PTPRD: variants seen among roughly 807,000 people sequenced by gnomAD.
PTPRD encodes the protein protein tyrosine phosphatase receptor type D, also known as receptor-type tyrosine-protein phosphatase delta.
PTPRD carries 34 observed loss-of-function variants against 214.5 expected under a neutral mutation model. The observed-to-expected ratio is 0.16, with a 90% CI of 0.12 to 0.21. The LOEUF is 0.21. Among genes scored for constraint, PTPRD ranks in the 10% least tolerant of loss-of-function variants. The pLI is 1.00. For synonymous variants in PTPRD, 1,128 were observed against 845.7 expected (o/e 1.33, Z -5.79); for missense variants, 2,545 against 2,398.7 (o/e 1.06, Z -1.27).
At chr9:8,840,122 C>G (rs1242116988) in intron 11 of PTPRD, among the ~76,000 whole-genome samples, 1 of 152,108 alleles carries the variant, frequency 6.6e-6, no homozygotes, top group Non-Finnish European at 1.5e-5. Flanking sequence ...ACGGTAACAT[C>G]AGTATCCCTT....
At chr9:8,762,874 G>C (rs1229615031) in intron 11 of PTPRD, among the ~76,000 whole-genome samples, 1 of 152,160 alleles carries the variant, frequency 6.6e-6, no homozygotes, top group African/African-American at 2.4e-5. Flanking sequence ...AAAAAGCACA[G>C]AATGCCTTGG....
At chr9:9,445,598 G>T (rs1475017020) in intron 8 of PTPRD, among the ~76,000 whole-genome samples, 1 of 152,112 alleles carries the variant, frequency 6.6e-6, no homozygotes, top group Admixed American at 6.6e-5. Context: ...CAGCAGGAAG[G>T]AGAAGTGCCA....
intron 11 of PTPRD, among the ~76,000 whole-genome samples, chr9:8,800,266 T>C (rs1421160270): frequency 6.6e-6 from 1 of 152,130 alleles, no homozygotes; most frequent in Non-Finnish European, 1.5e-5. Context: ...CGTGATTCTA[T>C]TTGACATCAT....
At chr9:8,874,202 T>C (rs989280312) in intron 11 of PTPRD, among the ~76,000 whole-genome samples, 1 of 152,212 alleles carries the variant, frequency 6.6e-6, no homozygotes, top group Non-Finnish European at 1.5e-5. Context: ...TGATGGCCCA[T>C]GGTTCAGTGA....
At chr9:9,367,786 G>C (rs552951433) in intron 9 of PTPRD, among the ~76,000 whole-genome samples, 1 of 151,704 alleles carries the variant, frequency 6.6e-6, no homozygotes, top group South Asian at 2.1e-4. Context: ...AAAGCAATCT[G>C]AGAAGCACCA....
intron 7 of PTPRD, among the ~76,000 whole-genome samples, chr9:9,638,409 C>T (rs2095839618): frequency 6.6e-6 from 1 of 152,212 alleles, no homozygotes; most frequent in Non-Finnish European, 1.5e-5. Context: ...TTCTTTGCCA[C>T]TTTATAACTA....
chr9:10,163,419 A>T (rs1209942436), intron 3 of PTPRD, among the ~76,000 whole-genome samples: 1 of 151,454 alleles, frequency 6.6e-6, no homozygotes, highest in Non-Finnish European at 1.5e-5. Context: ...TTTGCATTAG[A>T]ACTTATTCTT....
chr9:8,374,254 C>A (rs1399324732), intron 39 of PTPRD, among the ~76,000 whole-genome samples: 1 of 151,226 alleles, frequency 6.6e-6, no homozygotes, highest in African/African-American at 2.4e-5. Context: ...GAAAACAATT[C>A]ATGTGTTTCA....
chr9:8,946,540 T>A (rs759366348), intron 11 of PTPRD, among the ~76,000 whole-genome samples: 53 of 152,202 alleles, frequency 3.5e-4, no homozygotes, highest in Non-Finnish European at 6.2e-4. Context: ...CTGTAGCTGA[T>A]GGGCTTTAGC....
chr9:8,948,788 C>T (rs1242475369), intron 11 of PTPRD, among the ~76,000 whole-genome samples: 1 of 150,356 alleles, frequency 6.7e-6, no homozygotes. Context: ...TCAAGAAACA[C>T]AAAAGGATGG....
intron 27 of PTPRD, among the ~76,000 whole-genome samples, chr9:8,487,979 T>C (rs1354627534): frequency 6.6e-6 from 1 of 152,068 alleles, no homozygotes; most frequent in Non-Finnish European, 1.5e-5. Flanking sequence ...CAGTGAGCTA[T>C]GATCACACCA....
intron 9 of PTPRD, among the ~76,000 whole-genome samples, chr9:9,305,511 A>G (rs1956855276): frequency 1.3e-5 from 2 of 152,234 alleles, no homozygotes; most frequent in Admixed American, 6.5e-5. Flanking sequence ...CTCTACCTCA[A>G]ATCAGATTGA....
At chr9:8,804,835 C>T (rs2096643923) in intron 11 of PTPRD, among the ~76,000 whole-genome samples, 1 of 152,116 alleles carries the variant, frequency 6.6e-6, no homozygotes, top group African/African-American at 2.4e-5. Context: ...GGAGAGAAGA[C>T]AGATAGGTAC....
intron 3 of PTPRD, among the ~76,000 whole-genome samples, chr9:10,181,059 T>C (rs1291906633): frequency 6.6e-6 from 1 of 152,056 alleles, no homozygotes; most frequent in Admixed American, 6.6e-5. Context: ...TCCTAGGTAA[T>C]GCTGTAAGTC....
chr9:8,408,444 C>T (rs2093229424), intron 35 of PTPRD, among the ~76,000 whole-genome samples: 2 of 152,132 alleles, frequency 1.3e-5, no homozygotes, highest in African/African-American at 2.4e-5. Flanking sequence ...AGCACTCAAT[C>T]TGAAGTTTTA....
chr9:9,744,374 G>A (rs975699446), intron 6 of PTPRD, among the ~76,000 whole-genome samples: 32 of 152,146 alleles, frequency 2.1e-4, no homozygotes, highest in Non-Finnish European at 2.9e-5. Context: ...AGATGTTGAG[G>A]ACTGCATATA....
At chr9:9,555,873 A>G (rs1259462733) in intron 8 of PTPRD, among the ~76,000 whole-genome samples, 1 of 152,168 alleles carries the variant, frequency 6.6e-6, no homozygotes, top group Non-Finnish European at 1.5e-5. Flanking sequence ...TACACCTGAA[A>G]GTTCAAAAGA....
intron 11 of PTPRD, among the ~76,000 whole-genome samples, chr9:8,849,269 G>C (rs547654227): frequency 6.8e-6 from 1 of 147,374 alleles, no homozygotes; most frequent in Non-Finnish European, 1.5e-5. Flanking sequence ...TCCGCCTCTC[G>C]GGTTCATGCC....
At chr9:10,286,412 A>G (rs181266420) in intron 3 of PTPRD, among the ~76,000 whole-genome samples, 1 of 152,272 alleles carries the variant, frequency 6.6e-6, no homozygotes, top group Admixed American at 6.5e-5. Context: ...ATGGCACTCC[A>G]GCCTGTGTGA....
Sources: gnomAD v4.1 joint callset for allele counts (sites outside exome capture counted in the v4.1 genomes callset) on GRCh38, gnomAD v4.1.1 for gene constraint, MANE v1.5 for transcripts, NCBI Gene and HGNC (gene_info 2026-07-23, HGNC 2026-07-21) for gene names.